Variants in HECA observed in about 807,000 individuals in gnomAD.
HECA encodes the protein HECA ribonucleoprotein granule regulator.
Under a neutral mutation model 37.6 loss-of-function variants are expected in HECA, and 13 were observed. The observed-to-expected ratio is 0.35, with a 90% CI of 0.23 to 0.55. The LOEUF is 0.55. Among genes scored for constraint, HECA ranks in the 20% least tolerant of loss-of-function variants. The probability of loss-of-function intolerance (pLI) is 0.90; values close to 1 mark genes in which losing one functional copy is unlikely to be tolerated. For synonymous variants in HECA, 307 were observed against 291.5 expected (o/e 1.05, Z -0.54); for missense variants, 527 against 701.9 (o/e 0.75, Z 2.82).
intron 1 of HECA, among the ~76,000 whole-genome samples, chr6:139,158,347 C>G (rs1482056978): frequency 1.8e-4 from 27 of 151,866 alleles, no homozygotes; most frequent in Admixed American, 1.8e-3. Flanking sequence ...CTAAAAAATA[C>G]AAAAAATTAG....
intron 1 of HECA, among the ~76,000 whole-genome samples, chr6:139,147,710 G>A (rs537820047): frequency 5.9e-5 from 9 of 152,356 alleles, no homozygotes; most frequent in Admixed American, 1.3e-4. Flanking sequence ...CTCACACATT[G>A]TACACGTATG....
rs747226950 is a variant in HECA, at chr6:139,167,063, G to A, written c.1051G>A (p.Glu351Lys). The A allele has an allele frequency of 2.1e-5, 34 of 1,614,160 alleles. No homozygotes were observed. The highest frequency in any genetic ancestry group is 2.6e-5 in the Non-Finnish European group (31 of 1,180,020). Residue 351 changes from glutamate (E) to lysine (K), a missense_variant, in exon 2 of 4, where the codon GAA becomes AAA. Physicochemically the swap from Glu to Lys is moderately conservative, Grantham distance 56. Transcript: ENST00000367658. Reference protein sequence around the residue: ...VQFLRRLDLSELLTHIPRHKL... With the variant: ...VQFLRRLDLSKLLTHIPRHKL... ...GTTCCTTCGGCGGCTGGACCTCTCC[G>A]AACTCCTCACTCACATCCCCAGGCA...
chr6:139,168,500 C>G (rs1022482899), intron 2 of HECA, among the ~76,000 whole-genome samples: 4 of 150,408 alleles, frequency 2.7e-5, no homozygotes, highest in African/African-American at 9.8e-5. Context: ...AAAGACATTT[C>G]CACATACCTG....
intron 1 of HECA, among the ~76,000 whole-genome samples, chr6:139,138,832 G>C (rs1582933290): frequency 6.6e-6 from 1 of 152,190 alleles, no homozygotes; most frequent in Middle Eastern, 3.4e-3. Context: ...TCAGGGATTG[G>C]TGTAAAAGAC....
rs1251542484 is a variant in HECA, at chr6:139,178,678, G to GATTC, written c.*1574_*1577dup. ...CAACCTCTGCCTCCTGGATTCAAGC[G>GATTC]ATTCTCCTGTCCCAGCCTCCCAGGT... On this transcript the variant is annotated 3_prime_UTR_variant, in exon 4 of 4. Transcript: ENST00000367658. 1.3e-5 allele frequency: 2 copies of GATTC among 151,844 alleles called. No homozygotes were observed. Among genetic ancestry groups the GATTC allele is most frequent in the Non-Finnish European group, 1.5e-5 (1 of 67,980 alleles). 9.4% of individuals were successfully genotyped at this position (151,844 alleles called of 1,614,324 possible). A position where few individuals can be genotyped will look rare whatever the true frequency, so the allele number is the denominator to read the frequency against.
chr6:139,139,346 T>C (rs1489452859), intron 1 of HECA, among the ~76,000 whole-genome samples: 1 of 152,238 alleles, frequency 6.6e-6, no homozygotes, highest in African/African-American at 2.4e-5. Context: ...CCCATACAGA[T>C]GTAGTAAAAT....
chr6:139,165,071 T>C (rs537693381), intron 1 of HECA, among the ~76,000 whole-genome samples: 6 of 152,290 alleles, frequency 3.9e-5, no homozygotes, highest in Admixed American at 1.3e-4. Flanking sequence ...TGTGCTAAAC[T>C]CTTTATAAGC....
In HECA at chr6:139,176,846, C is replaced by A; in HGVS notation, c.1468-95C>A. 1.4e-6 allele frequency: 1 copy of A among 740,152 alleles called. No homozygotes were observed. 45.8% of individuals were successfully genotyped at this position (740,152 alleles called of 1,614,324 possible). ...GTAGTAAAAGGGATGCTTTGCAAAG[C>A]CCTTGATCAGTTTCCCAGCATTTTG... On this transcript the variant is annotated intron_variant, in intron 3 of 3. Coordinates refer to ENST00000367658, the MANE Select transcript of HECA (RefSeq NM_016217.3). The surrounding 1 kb of genome is among the most constrained non-coding windows in gnomAD (Gnocchi z 4.5).
At chr6:139,173,294 A>G (rs1206401141) in intron 2 of HECA, among the ~76,000 whole-genome samples, 1 of 152,202 alleles carries the variant, frequency 6.6e-6, no homozygotes, top group Non-Finnish European at 1.5e-5. Flanking sequence ...ACACTTATAA[A>G]GTGCTTTCCA....
intron 1 of HECA, among the ~76,000 whole-genome samples, chr6:139,140,540 G>T (rs367843872): frequency 2.6e-5 from 4 of 152,188 alleles, no homozygotes; most frequent in African/African-American, 9.7e-5. Context: ...TTACTTGTTA[G>T]AGGATCTGTG....
intron 1 of HECA, among the ~76,000 whole-genome samples, chr6:139,138,300 G>A (rs1019099980): frequency 6.6e-6 from 1 of 152,090 alleles, no homozygotes; most frequent in Non-Finnish European, 1.5e-5. Flanking sequence ...GTTATTATCG[G>A]TAGTAGTTTT....
intron 1 of HECA, among the ~76,000 whole-genome samples, chr6:139,164,114 C>A (rs1353156777): frequency 6.6e-6 from 1 of 151,820 alleles, no homozygotes; most frequent in Non-Finnish European, 1.5e-5. Context: ...CATCTTCTCA[C>A]ACTGCTCCTG....
chr6:139,136,961 C>T (rs1236993705), intron 1 of HECA, among the ~76,000 whole-genome samples: 1 of 152,200 alleles, frequency 6.6e-6, no homozygotes, highest in Non-Finnish European at 1.5e-5. Flanking sequence ...AACAGGGCAC[C>T]TGCTCTTACA....
At chr6:139,165,461 C>A (rs1044768521) in intron 1 of HECA, among the ~76,000 whole-genome samples, 1 of 152,184 alleles carries the variant, frequency 6.6e-6, no homozygotes, top group East Asian at 1.9e-4. Flanking sequence ...TATTGTACAT[C>A]CTGTGGATTT....
At position 139,178,657 on chromosome 6, in the gene HECA, C is replaced by G. The variant is rs1582953575; in HGVS notation, c.*1552C>G. ...TAGTGCGATCTCAGCTCACTGCAAC[C>G]TCTGCCTCCTGGATTCAAGCGATTC... On this transcript the variant is annotated 3_prime_UTR_variant, in exon 4 of 4. Coordinates refer to ENST00000367658, the MANE Select transcript of HECA (RefSeq NM_016217.3). 6.6e-6 allele frequency: 1 copy of G among 151,998 alleles called. No individual in the cohort carries two copies. Among genetic ancestry groups the G allele is most frequent in the East Asian group, 1.9e-4 (1 of 5,198 alleles). 9.4% of individuals were successfully genotyped at this position (151,998 alleles called of 1,614,324 possible).
intron 2 of HECA, among the ~76,000 whole-genome samples, chr6:139,171,229 G>A (rs867027938): frequency 8.6e-5 from 13 of 151,344 alleles, no homozygotes; most frequent in Middle Eastern, 3.4e-3. Context: ...AGGAAGAAAA[G>A]AGAAAAAAAA....
At chr6:139,174,976 G>A (rs1441219172) in intron 3 of HECA, among the ~76,000 whole-genome samples, 3 of 152,146 alleles carry the variant, frequency 2.0e-5, no homozygotes, top group African/African-American at 7.2e-5. Context: ...TCAAAAGGAA[G>A]AAAGTCACTT....
chr6:139,153,019 C>G (rs1253395766), intron 1 of HECA: 3 of 152,126 alleles, frequency 2.0e-5, no homozygotes, highest in Non-Finnish European at 4.4e-5. Context: ...AGGAATGGGC[C>G]AAGGCTGAAG....
intron 1 of HECA, among the ~76,000 whole-genome samples, chr6:139,145,306 T>G (rs542027725): frequency 6.6e-6 from 1 of 152,354 alleles, no homozygotes; most frequent in East Asian, 1.9e-4. Context: ...AAAAAGTCAG[T>G]AGCATTTCTA....
Sources: gnomAD v4.1 joint callset for allele counts (sites outside exome capture counted in the v4.1 genomes callset) on GRCh38, gnomAD v4.1.1 for gene constraint, Gnocchi (gnomAD v3.1) non-coding constraint, MANE v1.5 for transcripts, NCBI Gene and HGNC (gene_info 2026-07-23, HGNC 2026-07-21) for gene names.